Variants in SPATA16 observed in about 807,000 individuals in gnomAD.
The protein encoded by SPATA16 is spermatogenesis-associated protein 16.
Under a neutral mutation model 63.3 loss-of-function variants are expected in SPATA16, and 36 were observed. That is an observed-to-expected ratio of 0.57 (90% CI 0.44 to 0.75). SPATA16 has a LOEUF of 0.75. SPATA16 is among the 30% of genes least tolerant of loss of function. The pLI is 0.00. For synonymous variants in SPATA16, 203 were observed against 216.7 expected (o/e 0.94, Z 0.56); for missense variants, 646 against 679.3 (o/e 0.95, Z 0.54).
In SPATA16 at chr3:172,935,440, A is replaced by G. The variant is rs539799748; in HGVS notation, c.1082-9948T>C. Among the ~76,000 whole-genome samples, 14 of 152,382 alleles carry G rather than the reference A, an allele frequency of 9.2e-5. No homozygotes were observed. The South Asian group carries it at 2.9e-3, about 32-fold the overall frequency. On this transcript the variant is annotated intron_variant, in intron 6 of 10. Transcript: ENST00000351008. ...AAACAATGGTTTGATCCATAATAGA[A>G]AAAACATAAAATATTAGAAATAAGC...
intron 2 of SPATA16, among the ~76,000 whole-genome samples, chr3:173,091,517 A>G (rs940987361): frequency 1.3e-5 from 2 of 152,098 alleles, no homozygotes; most frequent in Non-Finnish European, 2.9e-5. Context: ...GAATTTGCTA[A>G]TATTTGTTTC....
chr3:173,131,825 T>C (rs1738394787), intron 1 of SPATA16, among the ~76,000 whole-genome samples: 1 of 152,154 alleles, frequency 6.6e-6, no homozygotes, highest in Non-Finnish European at 1.5e-5. Flanking sequence ...TGCCATGTTA[T>C]CTGCCTAGTG....
chr3:172,913,820 T>A, intron 9 of SPATA16, 76 bp from the exon 10 acceptor site: 1 of 1,296,334 alleles, frequency 7.7e-7, no homozygotes, highest in Non-Finnish European at 1.1e-6. Flanking sequence ...GATTAAAACC[T>A]AATTAAAAAA....
chr3:173,102,104 C>T (rs1258728010), intron 2 of SPATA16, among the ~76,000 whole-genome samples: 1 of 152,128 alleles, frequency 6.6e-6, no homozygotes, highest in African/African-American at 2.4e-5. Context: ...TTAGAGAGGT[C>T]CTGAACCCTT....
chr3:173,051,796 G>C (rs1273741369), intron 2 of SPATA16, among the ~76,000 whole-genome samples: 1 of 149,268 alleles, frequency 6.7e-6, no homozygotes, highest in African/African-American at 2.5e-5. Flanking sequence ...GTGTGGAAGA[G>C]CCTCTTTTTA....
At chr3:172,933,735 G>A (rs1732920473) in intron 6 of SPATA16, among the ~76,000 whole-genome samples, 1 of 152,112 alleles carries the variant, frequency 6.6e-6, no homozygotes, top group South Asian at 2.1e-4. Flanking sequence ...AATGTGTTCT[G>A]CCCCTTTAAA....
At chr3:173,014,550 T>C (rs1329096764) in intron 4 of SPATA16, among the ~76,000 whole-genome samples, 1 of 152,208 alleles carries the variant, frequency 6.6e-6, no homozygotes, top group East Asian at 1.9e-4. Flanking sequence ...AATATACTCA[T>C]GTAATAAACC....
At chr3:173,036,117 T>G (rs544593283) in intron 3 of SPATA16, among the ~76,000 whole-genome samples, 2 of 152,036 alleles carry the variant, frequency 1.3e-5, no homozygotes, top group Non-Finnish European at 2.9e-5. Context: ...ATTGTTTACA[T>G]TTGTGAGCTG....
intron 3 of SPATA16, 141 bp downstream of exon 3, chr3:173,048,808 A>G (rs557134544): frequency 1.9e-6 from 2 of 1,077,830 alleles, no homozygotes; most frequent in Non-Finnish European, 1.4e-6. Context: ...TGATTGCCTC[A>G]CTTGACATAA....
At chr3:173,104,411 A>C (rs752579119) in intron 2 of SPATA16, among the ~76,000 whole-genome samples, 13 of 152,226 alleles carry the variant, frequency 8.5e-5, no homozygotes, top group Non-Finnish European at 1.8e-4. Context: ...GGTAATTTAT[A>C]AAAGAAAAAA....
chr3:173,075,592 C>T (rs1736782437), intron 2 of SPATA16, among the ~76,000 whole-genome samples: 1 of 152,018 alleles, frequency 6.6e-6, no homozygotes, highest in African/African-American at 2.4e-5. Context: ...ATTATTCAGC[C>T]ATAAAAAATG....
chr3:173,073,249 C>A (rs1736713952), intron 2 of SPATA16, among the ~76,000 whole-genome samples: 1 of 152,206 alleles, frequency 6.6e-6, no homozygotes, highest in Non-Finnish European at 1.5e-5. Context: ...AAAAGAAAAA[C>A]CTATTTTCTG....
At chr3:173,088,329 C>A (rs1283636010) in intron 2 of SPATA16, among the ~76,000 whole-genome samples, 1 of 151,894 alleles carries the variant, frequency 6.6e-6, no homozygotes, top group Non-Finnish European at 1.5e-5. Context: ...ATGATCCGAC[C>A]ACCTTGGCCT....
intron 4 of SPATA16, among the ~76,000 whole-genome samples, chr3:172,984,260 C>T (rs1477006098): frequency 1.3e-5 from 2 of 152,178 alleles, no homozygotes; most frequent in Non-Finnish European, 2.9e-5. Context: ...TATCTGACGA[C>T]GCTGATCTAG....
At chr3:173,050,444 C>G (rs1435495615) in intron 2 of SPATA16, among the ~76,000 whole-genome samples, 2 of 152,124 alleles carry the variant, frequency 1.3e-5, no homozygotes, top group Admixed American at 6.6e-5. Flanking sequence ...AAAATACTTA[C>G]TGAGCATCTA....
intron 1 of SPATA16, among the ~76,000 whole-genome samples, chr3:173,118,906 G>C: frequency 6.6e-6 from 1 of 152,178 alleles, no homozygotes. Flanking sequence ...AGATAACAAT[G>C]AGATAAAAGC....
chr3:172,993,693 C>T (rs993987880), intron 4 of SPATA16, among the ~76,000 whole-genome samples: 3 of 152,148 alleles, frequency 2.0e-5, no homozygotes, highest in Non-Finnish European at 2.9e-5. Context: ...CAAAACAACA[C>T]ACATAGCAGC....
intron 4 of SPATA16, among the ~76,000 whole-genome samples, chr3:173,001,722 G>C (rs1185082440): frequency 1.3e-5 from 2 of 152,056 alleles, no homozygotes; most frequent in Non-Finnish European, 2.9e-5. Context: ...GTATCTACTT[G>C]TCTGTCTCTC....
intron 5 of SPATA16, among the ~76,000 whole-genome samples, chr3:172,957,188 T>C (rs1344192164): frequency 6.6e-6 from 1 of 152,136 alleles, no homozygotes; most frequent in Non-Finnish European, 1.5e-5. Flanking sequence ...TGGTGAGCAA[T>C]TTGTATATGG....
Sources: allele counts gnomAD v4.1 joint callset (sites outside exome capture counted in the v4.1 genomes callset), GRCh38; gene constraint gnomAD v4.1.1; transcripts MANE v1.5; gene names NCBI Gene and HGNC (gene_info 2026-07-23, HGNC 2026-07-21).